The following PSD3 variants were observed in gnomAD, a reference collection of about 807,000 sequenced individuals.
PSD3 encodes the protein PH and SEC7 domain-containing protein 3.
PSD3 carries 49 observed loss-of-function variants against 105.5 expected under a neutral mutation model. The observed-to-expected ratio is 0.46, with a 90% CI of 0.37 to 0.59. PSD3 has a LOEUF of 0.59. Ranked by LOEUF, PSD3 falls within the 20% of genes least tolerant of loss-of-function variation. PSD3 has a pLI of 0.00. For missense variants in PSD3, 1,561 were observed against 1,263.8 expected (o/e 1.24, Z -3.57); for synonymous variants, 557 against 457.8 (o/e 1.22, Z -2.77).
At chr8:18,576,620 G>C (rs1475353191) in intron 12 of PSD3, among the ~76,000 whole-genome samples, 2 of 152,008 alleles carry the variant, frequency 1.3e-5, no homozygotes, top group African/African-American at 4.8e-5. Flanking sequence ...ATCAGAGTAG[G>C]AATTTCAACT....
intron 9 of PSD3, chr8:18,734,470 A>T (rs947124215): frequency 6.6e-6 from 1 of 152,300 alleles, no homozygotes; most frequent in East Asian, 1.9e-4. Flanking sequence ...TGATGGTTCA[A>T]TGGTTCTAGG....
intron 2 of PSD3, among the ~76,000 whole-genome samples, chr8:18,894,818 G>T (rs1819033442): frequency 6.6e-6 from 1 of 152,190 alleles, no homozygotes; most frequent in African/African-American, 2.4e-5. Context: ...CTCACACATG[G>T]TCTAGTTAGC....
chr8:19,007,200 C>T lies in PSD3; in HGVS notation c.21+6363G>A, dbSNP rs28542154. ...GCCCGAGGCAGAGGTTGCAGTGAGC[C>T]GAGATCTTGCCACTGCACTCCAGCC... On this transcript the variant is annotated intron_variant, in intron 1 of 15. Transcript: ENST00000327040. Among the ~76,000 whole-genome samples the T allele has an allele frequency of 5.1e-3, 770 of 151,742 alleles. 9 individuals carry two copies. The highest frequency in any genetic ancestry group is 0.018 in the African/African-American group (746 of 41,408).
chr8:18,935,912 A>G, intron 2 of PSD3, 122 bp downstream of exon 2: 1 of 601,108 alleles, frequency 1.7e-6, no homozygotes, highest in Non-Finnish European at 2.9e-6. Context: ...GTTTTGATGA[A>G]TAATTAGGGA....
intron 11 of PSD3, among the ~76,000 whole-genome samples, chr8:18,602,512 C>A (rs532039336): frequency 1.6e-3 from 236 of 152,174 alleles, no homozygotes; most frequent in Non-Finnish European, 2.6e-3. Context: ...GATGAAACAA[C>A]CTATAATCCT....
chr8:19,018,736 A>G (rs890377214), intron 1 of PSD3, among the ~76,000 whole-genome samples: 7 of 152,202 alleles, frequency 4.6e-5, no homozygotes, highest in African/African-American at 1.7e-4. Context: ...TTCTTGAATC[A>G]AGTGTGTCTG....
chr8:18,802,704 T>C (rs191068560), intron 6 of PSD3, among the ~76,000 whole-genome samples: 20 of 152,312 alleles, frequency 1.3e-4, no homozygotes, highest in Admixed American at 4.6e-4. Flanking sequence ...AGTTTCTTGA[T>C]TTGTAAAATT....
intron 14 of PSD3, among the ~76,000 whole-genome samples, chr8:18,561,372 C>T (rs565800556): frequency 7.3e-4 from 111 of 152,142 alleles, no homozygotes; most frequent in African/African-American, 2.3e-3. Flanking sequence ...GAAGTAAGAC[C>T]GGCACAGAAA....
At chr8:18,713,045 C>G (rs753881839) in intron 9 of PSD3, among the ~76,000 whole-genome samples, 1 of 152,126 alleles carries the variant, frequency 6.6e-6, no homozygotes, top group Non-Finnish European at 1.5e-5. Flanking sequence ...ACGGGATTAT[C>G]TCGATAGATA....
chr8:19,037,992 T>C (rs1197248108), intron 1 of PSD3, among the ~76,000 whole-genome samples: 1 of 150,640 alleles, frequency 6.6e-6, no homozygotes, highest in East Asian at 1.9e-4. Flanking sequence ...AAATTTATAT[T>C]ATAGATTATT....
intron 4 of PSD3, among the ~76,000 whole-genome samples, chr8:18,821,152 G>C (rs910957738): frequency 6.7e-6 from 1 of 150,224 alleles, no homozygotes; most frequent in African/African-American, 2.4e-5. Context: ...TTCTGCTTTG[G>C]GCAAAACAAG....
At chr8:18,840,407 C>T (rs899117448) in intron 4 of PSD3, among the ~76,000 whole-genome samples, 4 of 152,338 alleles carry the variant, frequency 2.6e-5, no homozygotes, top group Non-Finnish European at 4.4e-5. Flanking sequence ...AGTTGGTCTA[C>T]TCAAGCTGAG....
chr8:18,554,604 C>G (rs1328808752), intron 15 of PSD3, among the ~76,000 whole-genome samples: 1 of 152,070 alleles, frequency 6.6e-6, no homozygotes, highest in African/African-American at 2.4e-5. Flanking sequence ...AATATTATAA[C>G]TCAGAGACTT....
At chr8:18,909,153 T>C (rs192112322) in intron 2 of PSD3, among the ~76,000 whole-genome samples, 1 of 152,320 alleles carries the variant, frequency 6.6e-6, no homozygotes, top group African/African-American at 2.4e-5. Context: ...TTTTTCCTAG[T>C]GTAGTTGGGT....
intron 1 of PSD3, among the ~76,000 whole-genome samples, chr8:19,036,949 C>G (rs575726853): frequency 6.6e-6 from 1 of 152,132 alleles, no homozygotes; most frequent in African/African-American, 2.4e-5. Flanking sequence ...TTGCAACTCC[C>G]CAGGATTGAC....
At chr8:18,671,207 T>C (rs558151879) in intron 9 of PSD3, among the ~76,000 whole-genome samples, 37 of 152,270 alleles carry the variant, frequency 2.4e-4, no homozygotes, top group African/African-American at 8.9e-4. Flanking sequence ...AGGAAGTAAG[T>C]AGGATGACTC....
At chr8:19,067,245 T>C (rs1302339383) in intron 1 of PSD3, among the ~76,000 whole-genome samples, 1 of 152,196 alleles carries the variant, frequency 6.6e-6, no homozygotes, top group Non-Finnish European at 1.5e-5. Flanking sequence ...GTAACTACAG[T>C]AGTGCTACCT....
At chr8:19,058,615 C>G (rs1208791593) in intron 1 of PSD3, among the ~76,000 whole-genome samples, 2 of 151,942 alleles carry the variant, frequency 1.3e-5, no homozygotes, top group Non-Finnish European at 2.9e-5. Flanking sequence ...TCTACCCTAC[C>G]AGCTAGGCCC....
chr8:18,590,669 G>A (rs1337016111), intron 12 of PSD3, among the ~76,000 whole-genome samples: 3 of 152,050 alleles, frequency 2.0e-5, no homozygotes, highest in Non-Finnish European at 4.4e-5. Flanking sequence ...TGTGTGCAGT[G>A]TTATTTTATA....
Sources: gnomAD v4.1 joint callset for allele counts (sites outside exome capture counted in the v4.1 genomes callset) on GRCh38, gnomAD v4.1.1 for gene constraint, MANE v1.5 for transcripts, NCBI Gene and HGNC (gene_info 2026-07-23, HGNC 2026-07-21) for gene names.